The following NCAPD3 variants were observed in gnomAD, a reference collection of about 807,000 sequenced individuals.
NCAPD3 encodes the protein condensin-2 complex subunit D3.
In NCAPD3, 105 loss-of-function variants were observed where a neutral mutation model predicts 182.9. That is an observed-to-expected ratio of 0.57 (90% CI 0.49 to 0.68). The LOEUF (loss-of-function observed/expected upper bound fraction) is 0.68, where lower values mean the gene tolerates loss of function less well. NCAPD3 is among the 30% of genes least tolerant of loss of function. NCAPD3 has a pLI of 0.00. For missense variants in NCAPD3, 1,944 were observed against 1,837.0 expected (o/e 1.06, Z -1.07); for synonymous variants, 815 against 679.9 (o/e 1.20, Z -3.09).
At chr11:134,169,189 T>C (rs148751942) in intron 24 of NCAPD3, 135 bp from the exon 25 acceptor site, 3 of 783,392 alleles carry the variant, frequency 3.8e-6, no homozygotes, top group East Asian at 6.3e-5. Context: ...CAATAAACAG[T>C]TCCCTCGGAT....
intron 3 of NCAPD3, among the ~76,000 whole-genome samples, chr11:134,216,631 G>A (rs1489258918): frequency 2.0e-5 from 3 of 152,174 alleles, no homozygotes; most frequent in Non-Finnish European, 4.4e-5. Flanking sequence ...TGAGAAGAAA[G>A]GGCAATATCA....
intron 3 of NCAPD3, among the ~76,000 whole-genome samples, chr11:134,213,353 ACTGT>A (rs1937909717): frequency 6.6e-6 from 1 of 150,764 alleles, no homozygotes; most frequent in Non-Finnish European, 1.5e-5. Context: ...ACAGAGTCTC[ACTGT>A]CACCCAGGCT....
intron 1 of NCAPD3, among the ~76,000 whole-genome samples, chr11:134,221,373 T>G (rs997997653): frequency 3.3e-5 from 5 of 152,146 alleles, no homozygotes; most frequent in Non-Finnish European, 5.9e-5. Flanking sequence ...CTTTTTTTTT[T>G]GGATAAACTT....
Position 134,150,842 on chromosome 11 carries a change from G to C in NCAPD3, c.*2102C>G, listed in dbSNP as rs1003771183. 6.6e-6 allele frequency: 1 copy of C among 152,174 alleles called. No homozygotes were observed. The allele number at this position is 152,174 out of a possible 1,614,324, so 9.4% of individuals were successfully genotyped here. A position where few individuals can be genotyped will look rare whatever the true frequency, so the allele number is the denominator to read the frequency against. On this transcript the variant is annotated 3_prime_UTR_variant, in exon 35 of 35. Coordinates refer to ENST00000534548, the MANE Select transcript of NCAPD3 (RefSeq NM_015261.3). ...CCATGATGGAGTGGCGGCCAGTCCAGCCTTTTAAAGAACGTCAGGTGGAGC... is the reference window on the plus strand; with the variant it reads ...CCATGATGGAGTGGCGGCCAGTCCACCCTTTTAAAGAACGTCAGGTGGAGC...
At chr11:134,224,962 C>A, upstream of NCAPD3, 1 of 440,214 alleles carries the variant, frequency 2.3e-6, no homozygotes, top group Non-Finnish European at 3.4e-6. Flanking sequence ...AGCCGGCTGT[C>A]CGTCGGCGCC....
chr11:134,200,996 T>A (rs1393208370), intron 13 of NCAPD3, among the ~76,000 whole-genome samples: 1 of 151,716 alleles, frequency 6.6e-6, no homozygotes, highest in African/African-American at 2.4e-5. Context: ...AGTACATGAC[T>A]GCATTTATGC....
At chr11:134,203,585 G>A in intron 11 of NCAPD3, 69 bp downstream of exon 11, 26 of 1,559,616 alleles carry the variant, frequency 1.7e-5, no homozygotes, top group Non-Finnish European at 2.2e-5. Context: ...AGAAAAGAAC[G>A]ATTCCCTTGC....
intron 32 of NCAPD3, among the ~76,000 whole-genome samples, chr11:134,156,645 C>T (rs199768388): frequency 6.6e-6 from 1 of 152,134 alleles, no homozygotes; most frequent in East Asian, 1.9e-4. Flanking sequence ...CTGACGTCTG[C>T]CCGCCCTGGG....
intron 2 of NCAPD3, among the ~76,000 whole-genome samples, chr11:134,218,291 G>A (rs1938104917): frequency 6.6e-6 from 1 of 152,064 alleles, no homozygotes; most frequent in Non-Finnish European, 1.5e-5. Context: ...TCTAGTCTGG[G>A]CGTCAGTGAC....
At chr11:134,176,491 G>C (rs114167852) in intron 23 of NCAPD3, 105 bp from the exon 24 acceptor site, 5 of 882,788 alleles carry the variant, frequency 5.7e-6, no homozygotes, top group South Asian at 1.4e-5. Flanking sequence ...CGGCACACTG[G>C]CTGAGTGCAC....
chr11:134,206,540 A>G (rs1937619195), intron 8 of NCAPD3, 59 bp downstream of exon 8: 1 of 1,583,422 alleles, frequency 6.3e-7, no homozygotes, highest in African/African-American at 1.4e-5. Flanking sequence ...ATCTTAGTGC[A>G]GGGCCCAGAG....
At chr11:134,222,780 G>C (rs934684329) in intron 1 of NCAPD3, among the ~76,000 whole-genome samples, 1 of 152,252 alleles carries the variant, frequency 6.6e-6, no homozygotes. Context: ...AGCAAGCACA[G>C]TGTAACAAAG....
At chr11:134,177,725 CATTTGA>C in intron 22 of NCAPD3, 1 of 445,970 alleles carries the variant, frequency 2.2e-6, no homozygotes, top group South Asian at 3.5e-5. Flanking sequence ...TTAAAGTCAA[CATTTGA>C]ATTTCGCAGT....
chr11:134,170,330 T>C (rs1943977553), intron 24 of NCAPD3, among the ~76,000 whole-genome samples: 1 of 152,210 alleles, frequency 6.6e-6, no homozygotes, highest in African/African-American at 2.4e-5. Context: ...GTCAGTTACT[T>C]TGTACAAATT....
At chr11:134,155,471 G>T (rs1033778798) in intron 32 of NCAPD3, among the ~76,000 whole-genome samples, 4 of 152,196 alleles carry the variant, frequency 2.6e-5, no homozygotes, top group African/African-American at 9.7e-5. Context: ...TTATGTCCAA[G>T]AGCCTGGAGC....
At position 134,177,260 on chromosome 11, in the gene NCAPD3, T is replaced by C. The variant is rs1390680207; in HGVS notation, c.2980A>G (p.Ile994Val). The C allele has an allele frequency of 1.2e-6, 2 of 1,614,114 alleles. No homozygotes were observed. Among genetic ancestry groups the C allele is most frequent in the South Asian group, 1.1e-5 (1 of 91,092 alleles). The stretch of plus-strand genomic sequence containing the variant: ...AGCAAGATGAGTGTCTGCTTCCGGA[T>C]GAATGGGTCGGAATCCTTCAGACAC... Reference protein sequence around the residue: ...SMCLKDSDPFIRKQTLILLTN... With the variant: ...SMCLKDSDPFVRKQTLILLTN... The change falls in exon 23 of 35, where the codon ATC becomes GTC. Residue 994 changes from isoleucine to valine, a missense_variant. Physicochemically the swap from Ile to Val is conservative, Grantham distance 29 (BLOSUM62 3). Transcript: ENST00000534548.
At chr11:134,175,944 A>C (rs997472280) in intron 24 of NCAPD3, among the ~76,000 whole-genome samples, 1 of 151,284 alleles carries the variant, frequency 6.6e-6, no homozygotes, top group Non-Finnish European at 1.5e-5. Context: ...ATCAAAATTA[A>C]CTTTTTTTTT....
intron 16 of NCAPD3, among the ~76,000 whole-genome samples, chr11:134,189,510 TGACC>T (rs1944480296): frequency 6.6e-6 from 1 of 152,208 alleles, no homozygotes; most frequent in Non-Finnish European, 1.5e-5. Context: ...CACTGGTCTT[TGACC>T]TTCGAGTTAT....
intron 16 of NCAPD3, among the ~76,000 whole-genome samples, chr11:134,188,537 G>A (rs1944459566): frequency 6.6e-6 from 1 of 152,210 alleles, no homozygotes; most frequent in African/African-American, 2.4e-5. Flanking sequence ...AACACCGCAA[G>A]GGTCTGCGGC....
Sources: gnomAD v4.1 joint callset for allele counts (sites outside exome capture counted in the v4.1 genomes callset) on GRCh38, gnomAD v4.1.1 for gene constraint, MANE v1.5 for transcripts, NCBI Gene and HGNC (gene_info 2026-07-23, HGNC 2026-07-21) for gene names.